Variants in NFKBIZ observed in about 807,000 individuals in gnomAD.
NFKBIZ encodes the protein NF-kappa-B inhibitor zeta.
Under a neutral mutation model 76.8 loss-of-function variants are expected in NFKBIZ, and 19 were observed. The observed-to-expected ratio is 0.25, with a 90% CI of 0.17 to 0.36. NFKBIZ has a LOEUF of 0.36. Ranked by LOEUF, NFKBIZ falls within the 10% of genes least tolerant of loss-of-function variation. The pLI is 1.00. For missense variants in NFKBIZ, 829 were observed against 910.9 expected (o/e 0.91, Z 1.16); for synonymous variants, 368 against 354.8 (o/e 1.04, Z -0.42).
At chr3:101,858,687 C>T (rs992203082) in intron 11 of NFKBIZ, among the ~76,000 whole-genome samples, 2 of 152,180 alleles carry the variant, frequency 1.3e-5, no homozygotes, top group East Asian at 1.9e-4. Context: ...CTACCCCAAT[C>T]GCCTTTCATC....
At chr3:101,852,649 A>C in intron 2 of NFKBIZ, 89 bp from the exon 3 acceptor site, 1 of 832,094 alleles carries the variant, frequency 1.2e-6, no homozygotes, top group South Asian at 1.6e-5. Flanking sequence ...GGTAAGCTAT[A>C]AAGGGTGGTA....
intron 2 of NFKBIZ, among the ~76,000 whole-genome samples, chr3:101,838,569 T>G (rs903942150): frequency 6.6e-6 from 1 of 152,242 alleles, no homozygotes; most frequent in Non-Finnish European, 1.5e-5. Flanking sequence ...TTTTAAAATG[T>G]AAAAACCATT....
chr3:101,837,508 A>G (rs1942737051), intron 2 of NFKBIZ, among the ~76,000 whole-genome samples: 1 of 140,266 alleles, frequency 7.1e-6, no homozygotes, highest in South Asian at 2.3e-4. Flanking sequence ...AAAAAAAAAA[A>G]GAAAAGAAAA....
chr3:101,835,343 T>C (rs764883885), intron 2 of NFKBIZ, among the ~76,000 whole-genome samples: 6 of 152,240 alleles, frequency 3.9e-5, no homozygotes, highest in Non-Finnish European at 7.3e-5. Flanking sequence ...ATTAGTGTGC[T>C]ATTTTAGAAG....
chr3:101,857,743 G>C, intron 11 of NFKBIZ: 7 of 985,378 alleles, frequency 7.1e-6, no homozygotes, highest in Non-Finnish European at 8.4e-6. Flanking sequence ...TTTAAGGTTC[G>C]GAAAGAGAAG....
intron 11 of NFKBIZ, among the ~76,000 whole-genome samples, chr3:101,858,917 C>T (rs987556530): frequency 1.3e-5 from 2 of 151,986 alleles, no homozygotes; most frequent in African/African-American, 2.4e-5. Flanking sequence ...GTTTTCTGTT[C>T]CTGTTAGTTG....
intron 8 of NFKBIZ, 33 bp from the exon 9 acceptor site, chr3:101,855,700 C>A: frequency 6.4e-7 from 1 of 1,557,408 alleles, no homozygotes; most frequent in Non-Finnish European, 8.7e-7. Context: ...TGATGGGATG[C>A]TTGACCACTG....
At position 101,860,654 on chromosome 3, in the gene NFKBIZ, A is replaced by G. The variant is rs921755810; in HGVS notation, c.*1283A>G. 9.9e-5 allele frequency: 15 copies of G among 152,138 alleles called. No homozygotes were observed. Among genetic ancestry groups the G allele is most frequent in the African/African-American group, 3.1e-4 (13 of 41,430 alleles). The allele number at this position is 152,138 out of a possible 1,614,324, so 9.4% of individuals were successfully genotyped here. On this transcript the variant is annotated 3_prime_UTR_variant, in exon 12 of 12. Coordinates refer to ENST00000326172, the MANE Select transcript of NFKBIZ (RefSeq NM_031419.4). ...GATAATGTGCCATGATGTTTTATAT[A>G]TATCATTCAGAAAAAGTTTTATTTT...
rs1198144411 is a variant in NFKBIZ at position 101,855,316 on chromosome 3, CT to C, written c.1591-77del. On this transcript the variant is annotated intron_variant, in intron 7 of 11. Coordinates refer to ENST00000326172, the MANE Select transcript of NFKBIZ (RefSeq NM_031419.4). ...GTTGCAATGATCTATTTTGAGTTAA[CT>C]TATTCATTTCTTGGGGATTCTAATA... 9 of 1,605,818 alleles carry C rather than the reference CT, an allele frequency of 5.6e-6. No individual in the cohort carries two copies. The Admixed American group carries it at 1.0e-4, about 18-fold the overall frequency.
chr3:101,852,074 C>A lies in NFKBIZ; in HGVS notation c.290-11C>A, dbSNP rs761430426. The A allele has an allele frequency of 1.9e-5, 31 of 1,606,270 alleles. No homozygotes were observed. Among genetic ancestry groups the A allele is most frequent in the Non-Finnish European group, 2.4e-5 (28 of 1,177,978 alleles). ...TTTAACCAGGAATATGTTTTGTTTT[C>A]TTTTGAACAGTTGAGCCCCATATGG... is the stretch of plus-strand genomic sequence containing the variant. On this transcript the variant is annotated splice_polypyrimidine_tract_variant and intron_variant, in intron 1 of 11. Transcript: ENST00000326172.
rs1943125350 is a variant in NFKBIZ at position 101,860,908 on chromosome 3, A to G, written c.*1537A>G. ...GATTGATCACATTGTTTGACCCAGT[A>G]TGTCTTGTAGACACGTTAGTTATAA... On this transcript the variant is annotated 3_prime_UTR_variant, in exon 12 of 12. Coordinates refer to ENST00000326172, the MANE Select transcript of NFKBIZ (RefSeq NM_031419.4). 6.6e-6 allele frequency: 1 copy of G among 151,918 alleles called. No individual in the cohort carries two copies. The highest frequency in any genetic ancestry group is 1.5e-5 in the Non-Finnish European group (1 of 67,994). 9.4% of individuals were successfully genotyped at this position (151,918 alleles called of 1,614,324 possible).
intron 2 of NFKBIZ, among the ~76,000 whole-genome samples, chr3:101,836,507 C>T (rs771231085): frequency 6.6e-6 from 1 of 152,134 alleles, no homozygotes; most frequent in Non-Finnish European, 1.5e-5. Flanking sequence ...GTAAGGGCAT[C>T]GATGGCCTTT....
At chr3:101,858,223 T>C (rs1049325942) in intron 11 of NFKBIZ, 17 of 985,114 alleles carry the variant, frequency 1.7e-5, no homozygotes, top group Non-Finnish European at 1.9e-5. Context: ...TTTAGCTTTT[T>C]CTTTGATTCT....
chr3:101,849,092 T>C (rs1390215361), upstream of NFKBIZ: 1 of 152,196 alleles, frequency 6.6e-6, no homozygotes, highest in Non-Finnish European at 1.5e-5. Flanking sequence ...GGCCAACCGG[T>C]TCCCTCCACT....
intron 9 of NFKBIZ, among the ~76,000 whole-genome samples, chr3:101,856,468 A>C (rs557437572): frequency 6.6e-6 from 1 of 152,356 alleles, no homozygotes; most frequent in South Asian, 2.1e-4. Flanking sequence ...AGGTAAAGAA[A>C]ATGCTTGAAA....
chr3:101,853,263 C>T lies in NFKBIZ; in HGVS notation c.737C>T (p.Pro246Leu), dbSNP rs1942997992. The T allele has an allele frequency of 3.1e-6, 5 of 1,614,198 alleles. No individual in the cohort carries two copies. The highest frequency in any genetic ancestry group is 4.2e-6 in the Non-Finnish European group (5 of 1,180,040). ...AGCTGGCTGAACCCCGTGGTGGTCCCTCAGAGCTCCCCCGCAGAGCAGTGT... is the reference window on the plus strand; with the variant it reads ...AGCTGGCTGAACCCCGTGGTGGTCCTTCAGAGCTCCCCCGCAGAGCAGTGT... ...QVSWLNPVVV[P>L]QSSPAEQCQD... Residue 246 changes from proline to leucine, a missense_variant, in exon 5 of 12, where the codon CCT (proline) becomes CTT (leucine). Pro to Leu is a moderately conservative substitution (Grantham distance 98, BLOSUM62 -3). Transcript: ENST00000326172.
chr3:101,850,059 C>T, intron 1 of NFKBIZ, 142 bp downstream of exon 1: 2 of 857,160 alleles, frequency 2.3e-6, no homozygotes, highest in Non-Finnish European at 3.1e-6. Context: ...TACCACTCCC[C>T]GCCTTGCCCG....
At chr3:101,839,667 A>G (rs557689977) in intron 2 of NFKBIZ, among the ~76,000 whole-genome samples, 2 of 152,314 alleles carry the variant, frequency 1.3e-5, no homozygotes, top group Non-Finnish European at 2.9e-5. Flanking sequence ...CAAACCTCAT[A>G]CAAAGGAATG....
intron 2 of NFKBIZ, among the ~76,000 whole-genome samples, chr3:101,843,438 GTC>G (rs1942813100): frequency 6.6e-6 from 1 of 152,090 alleles, no homozygotes; most frequent in Non-Finnish European, 1.5e-5. Context: ...GTGAAACCCT[GTC>G]TCTTAAAAAA....
Sources: gnomAD v4.1 joint callset for allele counts (sites outside exome capture counted in the v4.1 genomes callset) on GRCh38, gnomAD v4.1.1 for gene constraint, MANE v1.5 for transcripts, NCBI Gene and HGNC (gene_info 2026-07-23, HGNC 2026-07-21) for gene names.